AMPH: variants seen among roughly 807,000 people sequenced by gnomAD.
AMPH encodes the protein amphiphysin (Stiff-Mann syndrome with breast cancer 128kD autoantigen).
A neutral mutation model predicts 99.1 loss-of-function variants in AMPH; 49 were observed. The ratio of observed to expected loss-of-function variants is 0.49; its 90% CI spans 0.39 to 0.63. The LOEUF is 0.63. AMPH is among the 20% of genes least tolerant of loss of function. AMPH has a pLI of 0.00. For missense variants in AMPH, 759 were observed against 863.4 expected (o/e 0.88, Z 1.52); for synonymous variants, 314 against 317.3 (o/e 0.99, Z 0.11).
Position 38,389,880 on chromosome 7 carries a change from G to A in AMPH, c.1904C>T (p.Ala635Val). 1 of 1,613,626 alleles carries A rather than the reference G, an allele frequency of 6.2e-7. No homozygotes were observed. Among genetic ancestry groups the A allele is most frequent in the East Asian group, 2.2e-5 (1 of 44,870 alleles). ...TAAGGTAAGTTCATCAGAATTTGCT[G>A]CCTCAAAATCATGCAGTGTTTCCAC... ...YKVETLHDFEAANSDELTLQR... is the reference protein window; with the variant it reads ...YKVETLHDFEVANSDELTLQR... The change falls in exon 20 of 21, where the codon GCA (alanine) becomes GTA (valine). Residue 635 changes from alanine to valine, a missense_variant. Ala to Val is a moderately conservative substitution (Grantham distance 64). Transcript: ENST00000356264.
intron 2 of AMPH, among the ~76,000 whole-genome samples, chr7:38,532,031 C>T (rs1790420185): frequency 6.6e-6 from 1 of 152,150 alleles, no homozygotes; most frequent in Non-Finnish European, 1.5e-5. Context: ...TTTCAGCATA[C>T]CCAACACATG....
intron 1 of AMPH, among the ~76,000 whole-genome samples, chr7:38,580,489 G>A (rs534947782): frequency 6.6e-6 from 1 of 152,206 alleles, no homozygotes; most frequent in South Asian, 2.1e-4. Flanking sequence ...CCACTCTCCA[G>A]GTTGGACGTC....
intron 1 of AMPH, among the ~76,000 whole-genome samples, chr7:38,581,870 G>A (rs1562843110): frequency 6.6e-6 from 1 of 152,132 alleles, no homozygotes. Flanking sequence ...ATTTGCTGAG[G>A]TGAAAACGAC....
At chr7:38,485,614 A>C (rs1488968003) in intron 5 of AMPH, among the ~76,000 whole-genome samples, 1 of 151,956 alleles carries the variant, frequency 6.6e-6, no homozygotes, top group Non-Finnish European at 1.5e-5. Context: ...CTGAGCAACT[A>C]TCAAATGGAC....
At chr7:38,472,389 T>C (rs570777283) in intron 7 of AMPH, among the ~76,000 whole-genome samples, 197 of 152,250 alleles carry the variant, frequency 1.3e-3, no homozygotes, top group African/African-American at 4.6e-3. Flanking sequence ...AGGATTCACA[T>C]GAAAACAAAA....
chr7:38,437,639 A>AAAAAAAAAAAAAAAGAAAAG (rs765494380), intron 11 of AMPH, among the ~76,000 whole-genome samples: 24 of 96,718 alleles, frequency 2.5e-4, no homozygotes, highest in African/African-American at 3.6e-4. Flanking sequence ...AAAAAAAAAA[A>AAAAAAAAAAAAAAAGAAAAG]AAAAGAAAAG....
At chr7:38,520,009 A>C (rs1789893403) in intron 2 of AMPH, among the ~76,000 whole-genome samples, 1 of 152,148 alleles carries the variant, frequency 6.6e-6, no homozygotes, top group Non-Finnish European at 1.5e-5. Flanking sequence ...TAAATAAATA[A>C]ATAAAAATCA....
Position 38,494,535 on chromosome 7 carries a change from T to G in AMPH, c.206-8A>C. ...TGGAGGCCTCCTGCATGCCTAGTGTTGGAGAGAAACAACTCCCGTTACACA... is the reference window on the plus strand; with the variant it reads ...TGGAGGCCTCCTGCATGCCTAGTGTGGGAGAGAAACAACTCCCGTTACACA... On this transcript the variant is annotated splice_polypyrimidine_tract_variant and splice_region_variant and intron_variant, in intron 3 of 20. Transcript: ENST00000356264. 1 of 1,612,472 alleles carries G rather than the reference T, an allele frequency of 6.2e-7. No homozygotes were observed. The highest frequency in any genetic ancestry group is 8.5e-7 in the Non-Finnish European group (1 of 1,178,592).
intron 15 of AMPH, among the ~76,000 whole-genome samples, chr7:38,425,130 C>T (rs1317819403): frequency 6.6e-6 from 1 of 152,160 alleles, no homozygotes; most frequent in African/African-American, 2.4e-5. Flanking sequence ...GGAGGTTGTG[C>T]TCCACCCAAA....
At chr7:38,460,075 G>A (rs1445772157) in intron 11 of AMPH, among the ~76,000 whole-genome samples, 1 of 152,016 alleles carries the variant, frequency 6.6e-6, no homozygotes, top group Non-Finnish European at 1.5e-5. Context: ...ATGGCCAACA[G>A]ATATATAAAA....
At chr7:38,432,002 C>T in intron 13 of AMPH, 187 bp downstream of exon 13, 1 of 696,448 alleles carries the variant, frequency 1.4e-6, no homozygotes, top group Non-Finnish European at 2.7e-6. Context: ...CTGTACTCTT[C>T]CTTCACCATC....
At chr7:38,471,059 C>G (rs1461984415) in intron 7 of AMPH, among the ~76,000 whole-genome samples, 1 of 152,176 alleles carries the variant, frequency 6.6e-6, no homozygotes, top group African/African-American at 2.4e-5. Flanking sequence ...TCTTTAACAT[C>G]TAACAGAGTT....
intron 1 of AMPH, among the ~76,000 whole-genome samples, chr7:38,562,314 T>C (rs149466955): frequency 1.3e-5 from 2 of 152,332 alleles, no homozygotes; most frequent in African/African-American, 4.8e-5. Context: ...AAGCAGCTAG[T>C]TGTCTGACAG....
intron 2 of AMPH, among the ~76,000 whole-genome samples, 168 bp from the exon 3 acceptor site, chr7:38,503,872 T>C (rs571605345): frequency 1.3e-5 from 2 of 152,330 alleles, no homozygotes; most frequent in South Asian, 2.1e-4. Flanking sequence ...AGTCTAGATA[T>C]TTATAGAAAT....
intron 2 of AMPH, among the ~76,000 whole-genome samples, chr7:38,508,268 C>T (rs954459891): frequency 6.6e-6 from 1 of 151,966 alleles, no homozygotes; most frequent in East Asian, 1.9e-4. Context: ...CACTATGGCC[C>T]CAAATGCACA....
chr7:38,582,178 A>G (rs766317111), intron 1 of AMPH, among the ~76,000 whole-genome samples: 4 of 152,206 alleles, frequency 2.6e-5, no homozygotes, highest in Non-Finnish European at 4.4e-5. Context: ...AACCAGCTAA[A>G]AAGGAATTGA....
At chr7:38,448,683 G>A (rs1327109004) in intron 11 of AMPH, among the ~76,000 whole-genome samples, 1 of 152,208 alleles carries the variant, frequency 6.6e-6, no homozygotes, top group Non-Finnish European at 1.5e-5. Flanking sequence ...TGAAACTGTG[G>A]ATAAGGGGAG....
At chr7:38,483,129 C>T (rs1788354819) in intron 5 of AMPH, among the ~76,000 whole-genome samples, 1 of 152,094 alleles carries the variant, frequency 6.6e-6, no homozygotes, top group South Asian at 2.1e-4. Flanking sequence ...TAGGACAGCA[C>T]ATCTAGCATC....
At chr7:38,441,810 CAT>C (rs1562757524) in intron 11 of AMPH, among the ~76,000 whole-genome samples, 24 of 69,622 alleles carry the variant, frequency 3.4e-4, no homozygotes, top group East Asian at 1.3e-3. Context: ...ATATATATAT[CAT>C]ATATATCATA....
Sources: gnomAD v4.1 joint callset for allele counts (sites outside exome capture counted in the v4.1 genomes callset) on GRCh38, gnomAD v4.1.1 for gene constraint, MANE v1.5 for transcripts, NCBI Gene and HGNC (gene_info 2026-07-23, HGNC 2026-07-21) for gene names.